PPDPFL: variants seen among roughly 807,000 people sequenced by gnomAD.
PPDPFL encodes the protein pancreatic progenitor cell differentiation and proliferation factor-like protein.
Under a neutral mutation model 12.6 loss-of-function variants are expected in PPDPFL, and 12 were observed. The observed-to-expected ratio is 0.95, with a 90% CI of 0.61 to 1.54. PPDPFL has a LOEUF of 1.54. Ranked by LOEUF, PPDPFL falls within the 40% of genes most tolerant of loss-of-function variation. PPDPFL has a pLI of 0.00. For missense variants in PPDPFL, 114 were observed against 96.0 expected (o/e 1.19, Z -0.78); for synonymous variants, 24 against 32.7 (o/e 0.73, Z 0.91).
chr8:49,062,109 G>A (rs1808217992), intron 1 of PPDPFL, among the ~76,000 whole-genome samples: 1 of 152,200 alleles, frequency 6.6e-6, no homozygotes, highest in Non-Finnish European at 1.5e-5. Flanking sequence ...GCCTGCTAAG[G>A]TAGGAAAGGG....
chr8:49,065,482 C>T (rs957321207), intron 1 of PPDPFL, among the ~76,000 whole-genome samples: 4 of 152,120 alleles, frequency 2.6e-5, no homozygotes, highest in African/African-American at 7.2e-5. Flanking sequence ...GGAGAGAAGA[C>T]GAAAACTGAT....
At chr8:49,066,641 G>C (rs1808305295) in intron 1 of PPDPFL, among the ~76,000 whole-genome samples, 1 of 152,152 alleles carries the variant, frequency 6.6e-6, no homozygotes, top group Non-Finnish European at 1.5e-5. Flanking sequence ...TAATTTTCTG[G>C]AGAACATACT....
upstream of PPDPFL, among the ~76,000 whole-genome samples, chr8:49,069,153 A>G (rs1257407647): frequency 2.6e-5 from 4 of 152,220 alleles, no homozygotes; most frequent in Admixed American, 1.3e-4. Flanking sequence ...CTCAGACAAT[A>G]TTATAATCGT....
rs1808142646 is a variant in PPDPFL, at chr8:49,058,260, TA to T, written c.-45+3895del. On this transcript the variant is annotated intron_variant, in intron 1 of 4. Coordinates refer to the PPDPFL transcript ENST00000517663. ...CATTCTATGAAATAAAAGTCTTACTTAAAAGATTAACAGTTTATAATTAAAT... is the reference window on the plus strand; with the variant it reads ...CATTCTATGAAATAAAAGTCTTACTTAAAGATTAACAGTTTATAATTAAAT... 9.8e-5 allele frequency among the ~76,000 whole-genome samples: 15 copies of T among 152,326 alleles called. No homozygotes were observed. The South Asian group carries it at 3.1e-3, about 32-fold the overall frequency.
At chr8:49,073,192 T>C (rs1218585295) in intron 2 of PPDPFL, among the ~76,000 whole-genome samples, 1 of 152,172 alleles carries the variant, frequency 6.6e-6, no homozygotes, top group East Asian at 1.9e-4. Flanking sequence ...AAACTGATAA[T>C]TTTACATAAA....
intron 1 of PPDPFL, among the ~76,000 whole-genome samples, chr8:49,056,010 CAG>C (rs1808106981): frequency 6.6e-6 from 1 of 152,156 alleles, no homozygotes; most frequent in African/African-American, 2.4e-5. Context: ...TTGATAACTT[CAG>C]AGTCCTTATT....
intron 2 of PPDPFL, 36 bp from the exon 3 acceptor site, chr8:49,074,023 G>A (rs1384630613): frequency 7.0e-7 from 1 of 1,424,072 alleles, no homozygotes; most frequent in Non-Finnish European, 9.9e-7. Context: ...CTGGTTGCCA[G>A]TTATTTATTT....
intron 2 of PPDPFL, among the ~76,000 whole-genome samples, chr8:49,073,840 G>C (rs1808438502): frequency 6.6e-6 from 1 of 152,140 alleles, no homozygotes. Context: ...TGAGTTTCCT[G>C]CCTTGGAAAT....
At chr8:49,066,297 G>A (rs963298724) in intron 1 of PPDPFL, among the ~76,000 whole-genome samples, 1 of 152,162 alleles carries the variant, frequency 6.6e-6, no homozygotes, top group Non-Finnish European at 1.5e-5. Flanking sequence ...AGAGCCAATC[G>A]CCTGGCCTAG....
chr8:49,072,697 T>C, intron 1 of PPDPFL, 90 bp from the exon 2 acceptor site: 1 of 603,692 alleles, frequency 1.7e-6, no homozygotes, highest in Non-Finnish European at 2.9e-6. Flanking sequence ...ACATGGTAAA[T>C]GATAATACTT....
At chr8:49,072,181 T>G (rs925165396), upstream of PPDPFL, among the ~76,000 whole-genome samples, 9 of 152,254 alleles carry the variant, frequency 5.9e-5, no homozygotes, top group Admixed American at 3.3e-4. Context: ...GGCAGGCTGC[T>G]GCGTTCGGAG....
chr8:49,075,346 A>G lies in PPDPFL; in HGVS notation c.*173A>G. On this transcript the variant is annotated 3_prime_UTR_variant, in exon 5 of 5. Coordinates refer to ENST00000522267, the MANE Select transcript of PPDPFL (RefSeq NM_001256597.2). ...TCCAGGACTCTTCTCCATTGTAAGA[A>G]GACAGAAATGTGTCTGAGATCTCAT... The G allele has an allele frequency of 1.5e-6, 2 of 1,333,634 alleles. No homozygotes were observed. The highest frequency in any genetic ancestry group is 2.3e-5 in the South Asian group (2 of 85,518). The allele number at this position is 1,333,634 out of a possible 1,614,324, so 82.6% of individuals were successfully genotyped here. A position where few individuals can be genotyped will look rare whatever the true frequency, so the allele number is the denominator to read the frequency against.
intron 1 of PPDPFL, among the ~76,000 whole-genome samples, chr8:49,057,017 G>T (rs1033105444): frequency 1.3e-5 from 2 of 152,118 alleles, no homozygotes; most frequent in Non-Finnish European, 2.9e-5. Flanking sequence ...TGCTGGACTT[G>T]AAATCACTTG....
At chr8:49,054,478 G>A (rs565296338) in intron 1 of PPDPFL, 1 of 152,182 alleles carries the variant, frequency 6.6e-6, no homozygotes, top group South Asian at 2.1e-4. Context: ...AAAAATATTT[G>A]TTAATTGATT....
In PPDPFL at chr8:49,074,715, A is replaced by G; in HGVS notation, c.233+382A>G. On this transcript the variant is annotated intron_variant, in intron 4 of 4. Coordinates refer to ENST00000522267, the MANE Select transcript of PPDPFL (RefSeq NM_001256597.2). ...AAATAACCTTAGGATAACACTGCTG[A>G]TTTTGATTAGCTTCTGTGTGGTGCA... The G allele has an allele frequency of 2.7e-6, 4 of 1,458,540 alleles. No homozygotes were observed. The South Asian group carries it at 5.8e-5, about 21-fold the overall frequency. The allele number at this position is 1,458,540 out of a possible 1,614,324, so 90.3% of individuals were successfully genotyped here.
chr8:49,074,853 G>T (rs1808463488), intron 4 of PPDPFL: 4 of 1,400,586 alleles, frequency 2.9e-6, no homozygotes, highest in African/African-American at 1.4e-5. Flanking sequence ...TACTTATTTT[G>T]GATTTTAGAC....
intron 1 of PPDPFL, among the ~76,000 whole-genome samples, chr8:49,063,154 A>G (rs1204144777): frequency 1.3e-5 from 2 of 152,204 alleles, no homozygotes; most frequent in African/African-American, 4.8e-5. Flanking sequence ...GCCCTGACCC[A>G]GGTCTGGTTT....
Position 49,072,803 on chromosome 8 carries a change from T to A in PPDPFL, c.-28T>A, listed in dbSNP as rs1397066169. On this transcript the variant is annotated 5_prime_UTR_variant, in exon 2 of 5. Coordinates refer to ENST00000522267, the MANE Select transcript of PPDPFL (RefSeq NM_001256597.2). ...CTGTTTCAGATTAATGCTCACAGCT[T>A]CTTGGGTGCTTTCTCACGGGTAAAG... is the stretch of plus-strand genomic sequence containing the variant. 1.9e-6 allele frequency: 3 copies of A among 1,582,500 alleles called. No individual in the cohort carries two copies. The highest frequency in any genetic ancestry group is 3.8e-5 in the Admixed American group (2 of 52,878).
At chr8:49,074,572 C>T (rs1390971604) in intron 4 of PPDPFL, 1 of 1,536,298 alleles carries the variant, frequency 6.5e-7, no homozygotes, top group East Asian at 2.4e-5. Flanking sequence ...GTGGAGAAGT[C>T]ATATGCCAAA....
Sources: gnomAD v4.1 joint callset for allele counts (sites outside exome capture counted in the v4.1 genomes callset) on GRCh38, gnomAD v4.1.1 for gene constraint, MANE v1.5 for transcripts, NCBI Gene and HGNC (gene_info 2026-07-23, HGNC 2026-07-21) for gene names.